Variants in CNTN4 observed in about 807,000 individuals in gnomAD.
CNTN4 encodes the protein contactin 4, also known as contactin-4.
A neutral mutation model predicts 122.5 loss-of-function variants in CNTN4; 77 were observed. The observed-to-expected ratio is 0.63, with a 90% CI of 0.52 to 0.76. The LOEUF (loss-of-function observed/expected upper bound fraction) is 0.76. Ranked by LOEUF, CNTN4 falls within the 30% of genes least tolerant of loss-of-function variation. The pLI is 0.00. For missense variants in CNTN4, 1,256 were observed against 1,259.1 expected, an observed-to-expected ratio of 1.00 and a Z score of 0.04; for synonymous variants, 512 against 447.0, an observed-to-expected ratio of 1.15 and a Z score of -1.83.
chr3:2,681,541 G>A (rs1027078673), intron 4 of CNTN4, among the ~76,000 whole-genome samples: 9 of 152,046 alleles, frequency 5.9e-5, no homozygotes, highest in African/African-American at 1.2e-4. Context: ...CCTGAATTAC[G>A]TATCTTTCCA....
chr3:2,196,422 G>A (rs950060681), intron 2 of CNTN4, among the ~76,000 whole-genome samples: 1 of 152,096 alleles, frequency 6.6e-6, no homozygotes, highest in Non-Finnish European at 1.5e-5. Context: ...TCATTGGTTG[G>A]TTGGTTCAAT....
At chr3:2,869,390 G>T (rs2093760372) in intron 8 of CNTN4, among the ~76,000 whole-genome samples, 1 of 152,138 alleles carries the variant, frequency 6.6e-6, no homozygotes, top group South Asian at 2.1e-4. Context: ...TGGTAAAGCT[G>T]CGAGAACCTG....
chr3:2,652,953 G>T (rs2083432207), intron 4 of CNTN4, among the ~76,000 whole-genome samples: 1 of 151,864 alleles, frequency 6.6e-6, no homozygotes, highest in Non-Finnish European at 1.5e-5. Flanking sequence ...TTCATTTTTG[G>T]CAACAGCTAA....
rs576932984 is a variant in CNTN4 at position 2,386,311 on chromosome 3, A to G, written c.-89+47078A>G. 1.2e-3 allele frequency among the ~76,000 whole-genome samples: 181 copies of G among 152,268 alleles called. 1 individual carries two copies. Among genetic ancestry groups the G allele is most frequent in the African/African-American group, 4.3e-3 (177 of 41,554 alleles). ...GTCTGCTTGACCTTTGTGTGACAGTAGAATGGCCAGGTGGTAAAGTTGCAG... is the reference window on the plus strand; with the variant it reads ...GTCTGCTTGACCTTTGTGTGACAGTGGAATGGCCAGGTGGTAAAGTTGCAG... On this transcript the variant is annotated intron_variant, in intron 3 of 24. Coordinates refer to ENST00000418658, the MANE Select transcript of CNTN4 (RefSeq NM_175607.3).
intron 4 of CNTN4, among the ~76,000 whole-genome samples, chr3:2,711,506 C>G (rs939513113): frequency 1.3e-5 from 2 of 152,126 alleles, no homozygotes; most frequent in African/African-American, 2.4e-5. Context: ...AAATTCCCTA[C>G]TTTTCTGAAG....
intron 3 of CNTN4, among the ~76,000 whole-genome samples, chr3:2,377,339 C>T (rs902697195): frequency 2.6e-5 from 4 of 152,116 alleles, no homozygotes; most frequent in South Asian, 2.1e-4. Flanking sequence ...TTCAGCAGTG[C>T]TTCATTATAC....
At position 2,119,981 on chromosome 3, in the gene CNTN4, G is replaced by T. The variant is rs770299710; in HGVS notation, c.-145+19342G>T. On this transcript the variant is annotated intron_variant, in intron 2 of 24. Transcript: ENST00000418658. ...TGGCAGAGTCAAGAAAGGCTTCTTG[G>T]TAAATGTGAATTTTGAGACCCCCAA... Among the ~76,000 whole-genome samples, 57 of 152,202 alleles carry T rather than the reference G, an allele frequency of 3.7e-4. No homozygotes were observed. The Middle Eastern group carries it at 0.01, about 27-fold the overall frequency.
chr3:2,690,581 T>C (rs1318547771), intron 4 of CNTN4, among the ~76,000 whole-genome samples: 3 of 151,618 alleles, frequency 2.0e-5, no homozygotes, highest in African/African-American at 7.3e-5. Context: ...ATATCCTCTT[T>C]ATTTATGGGG....
chr3:2,678,344 C>A (rs948174173), intron 4 of CNTN4, among the ~76,000 whole-genome samples: 2 of 152,074 alleles, frequency 1.3e-5, no homozygotes, highest in African/African-American at 4.8e-5. Context: ...TTATATTTAT[C>A]CTGTCCTTAA....
Position 2,860,174 on chromosome 3 carries a change from C to T in CNTN4, c.455-6578C>T, listed in dbSNP as rs147510461. 2.9e-3 allele frequency among the ~76,000 whole-genome samples: 445 copies of T among 152,316 alleles called. 3 individuals are homozygous for T. The highest frequency in any genetic ancestry group is 0.01 in the African/African-American group (423 of 41,558). ...TTATCTAATCCTTGCCTCATATGGGCACCATTTCATTTCTCCAAAATCAGT... is the reference window on the plus strand; with the variant it reads ...TTATCTAATCCTTGCCTCATATGGGTACCATTTCATTTCTCCAAAATCAGT... On this transcript the variant is annotated intron_variant, in intron 7 of 24. Transcript: ENST00000418658.
chr3:2,886,513 C>CTTTT (rs200813621), intron 9 of CNTN4, among the ~76,000 whole-genome samples: 7 of 136,858 alleles, frequency 5.1e-5, no homozygotes, highest in African/African-American at 8.1e-5. Flanking sequence ...AGATAGATCA[C>CTTTT]TTTTTTTTTT....
At chr3:2,169,635 G>T (rs2036370871) in intron 2 of CNTN4, among the ~76,000 whole-genome samples, 1 of 151,360 alleles carries the variant, frequency 6.6e-6, no homozygotes, top group African/African-American at 2.4e-5. Flanking sequence ...CTGACCTCGT[G>T]ATCCACCCGC....
At chr3:2,206,348 C>A (rs536888148) in intron 2 of CNTN4, among the ~76,000 whole-genome samples, 1 of 151,958 alleles carries the variant, frequency 6.6e-6, no homozygotes, top group Non-Finnish European at 1.5e-5. Context: ...TGTCAATATG[C>A]AATCAGGCAG....
chr3:2,233,682 C>T (rs952561792), intron 2 of CNTN4, among the ~76,000 whole-genome samples: 5 of 151,812 alleles, frequency 3.3e-5, no homozygotes, highest in South Asian at 2.1e-4. Flanking sequence ...ACAAAGCAGC[C>T]GTATAATAGA....
chr3:2,300,607 C>G (rs1441218201), intron 2 of CNTN4, among the ~76,000 whole-genome samples: 4 of 110,786 alleles, frequency 3.6e-5, no homozygotes, highest in East Asian at 3.1e-4. Flanking sequence ...GAGTCTTGCT[C>G]TGTCTCCAGG....
Position 3,037,341 on chromosome 3 carries a change from C to A in CNTN4, c.2092+13C>A, listed in dbSNP as rs368671155. ...ACAGAAGAAGCTCGTGAGTAGCACC[C>A]GAGATTCAGATCATCTGTTCTGCCA... On this transcript the variant is annotated intron_variant, in intron 18 of 24. Coordinates refer to ENST00000418658, the MANE Select transcript of CNTN4 (RefSeq NM_175607.3). 1.2e-6 allele frequency: 2 copies of A among 1,613,950 alleles called. No individual in the cohort carries two copies. The highest frequency in any genetic ancestry group is 1.7e-6 in the Non-Finnish European group (2 of 1,179,996).
chr3:2,499,116 G>T (rs1221560547), intron 3 of CNTN4, among the ~76,000 whole-genome samples: 2 of 152,122 alleles, frequency 1.3e-5, no homozygotes, highest in African/African-American at 4.8e-5. Flanking sequence ...TCAAGTCTGA[G>T]AACTCGTTGC....
chr3:2,424,945 A>G (rs1211483220), intron 3 of CNTN4, among the ~76,000 whole-genome samples: 1 of 152,038 alleles, frequency 6.6e-6, no homozygotes, highest in Non-Finnish European at 1.5e-5. Context: ...AATTTGTTAG[A>G]GTTCTTTGTA....
In CNTN4 at chr3:2,353,765, G is replaced by A. The variant is rs553168775; in HGVS notation, c.-89+14532G>A. Among the ~76,000 whole-genome samples the A allele has an allele frequency of 4.1e-4, 62 of 152,304 alleles. 1 individual carries two copies. Among genetic ancestry groups the A allele is most frequent in the Non-Finnish European group, 8.2e-4 (56 of 68,018 alleles). ...AAAAACAAAATTAGCCGGGTGTGGT[G>A]GCGGGCGCCTGTGGTCCCAGCTACT... On this transcript the variant is annotated intron_variant, in intron 3 of 24. Coordinates refer to ENST00000418658, the MANE Select transcript of CNTN4 (RefSeq NM_175607.3).
Sources: gnomAD v4.1 joint callset for allele counts (sites outside exome capture counted in the v4.1 genomes callset) on GRCh38, gnomAD v4.1.1 for gene constraint, MANE v1.5 for transcripts, NCBI Gene and HGNC (gene_info 2026-07-23, HGNC 2026-07-21) for gene names.